The following CCSER2 variants were observed in gnomAD, a reference collection of about 807,000 sequenced individuals.
CCSER2 encodes serine-rich coiled-coil domain-containing protein 2.
CCSER2 carries 46 observed loss-of-function variants against 92.3 expected under a neutral mutation model. The observed-to-expected ratio is 0.50, with a 90% CI of 0.39 to 0.64. The LOEUF (loss-of-function observed/expected upper bound fraction) is 0.64, where lower values mean the gene tolerates loss of function less well. Among genes scored for constraint, CCSER2 ranks in the 30% least tolerant of loss-of-function variants. CCSER2 has a pLI of 0.00. For missense variants in CCSER2, 1,244 were observed against 1,238.9 expected, an observed-to-expected ratio of 1.00 and a Z score of -0.06; for synonymous variants, 433 against 431.4, an observed-to-expected ratio of 1.00 and a Z score of -0.04.
At chr10:84,496,265 G>A (rs1848443262) in intron 9 of CCSER2, among the ~76,000 whole-genome samples, 1 of 152,066 alleles carries the variant, frequency 6.6e-6, no homozygotes, top group South Asian at 2.1e-4. Flanking sequence ...AAGGGTGGAG[G>A]CCTACACTCC....
intron 3 of CCSER2, among the ~76,000 whole-genome samples, chr10:84,402,070 C>G (rs1435819566): frequency 6.6e-6 from 1 of 152,206 alleles, no homozygotes; most frequent in Non-Finnish European, 1.5e-5. Context: ...CTTTTTCTCT[C>G]TACCTGCTTG....
chr10:84,337,041 G>T (rs1589379674), intron 1 of CCSER2, among the ~76,000 whole-genome samples: 1 of 152,198 alleles, frequency 6.6e-6, no homozygotes, highest in Non-Finnish European at 1.5e-5. Context: ...AACGAGTTCA[G>T]TTTTGGACAT....
intron 3 of CCSER2, among the ~76,000 whole-genome samples, chr10:84,378,441 T>TTTG (rs1322388324): frequency 6.8e-6 from 1 of 147,824 alleles, no homozygotes; most frequent in Non-Finnish European, 1.5e-5. Flanking sequence ...AATTTTTTTT[T>TTTG]TTTTTTTTTT....
chr10:84,496,886 T>C (rs982132698), intron 9 of CCSER2, among the ~76,000 whole-genome samples: 3 of 152,180 alleles, frequency 2.0e-5, no homozygotes, highest in African/African-American at 7.2e-5. Flanking sequence ...TTGTGTTTTA[T>C]ATATAGTGCC....
chr10:84,339,114 T>C (rs144515937), intron 1 of CCSER2, among the ~76,000 whole-genome samples: 116 of 135,860 alleles, frequency 8.5e-4, no homozygotes, highest in African/African-American at 3.5e-3. Flanking sequence ...TTTTCTTTTC[T>C]TTTTTTTTTG....
intron 3 of CCSER2, among the ~76,000 whole-genome samples, chr10:84,396,611 T>C (rs574458298): frequency 1.3e-5 from 2 of 152,140 alleles, no homozygotes; most frequent in East Asian, 3.8e-4. Context: ...GATCTTCCCT[T>C]TTCTTCTTTT....
intron 9 of CCSER2, among the ~76,000 whole-genome samples, chr10:84,482,764 A>C (rs997200035): frequency 5.9e-5 from 9 of 152,270 alleles, no homozygotes; most frequent in African/African-American, 2.2e-4. Flanking sequence ...GACCCAAAGG[A>C]TCTACCTGAC....
chr10:84,433,196 C>G (rs1029739652), intron 5 of CCSER2, among the ~76,000 whole-genome samples: 6 of 152,130 alleles, frequency 3.9e-5, no homozygotes, highest in African/African-American at 1.4e-4. Context: ...TATTTTGGGT[C>G]TTTTGCCTGT....
intron 6 of CCSER2, among the ~76,000 whole-genome samples, chr10:84,442,667 C>T (rs941570386): frequency 3.3e-5 from 5 of 152,082 alleles, no homozygotes; most frequent in Non-Finnish European, 7.4e-5. Context: ...AGGTATGTGC[C>T]TTATCCAGTG....
intron 9 of CCSER2, among the ~76,000 whole-genome samples, chr10:84,507,512 T>C (rs181935056): frequency 2.6e-4 from 39 of 152,312 alleles, no homozygotes; most frequent in Admixed American, 2.5e-3. Context: ...ACAATAAACT[T>C]GTATGTACCC....
intron 1 of CCSER2, among the ~76,000 whole-genome samples, chr10:84,369,947 G>T (rs1845976996): frequency 6.6e-6 from 1 of 151,956 alleles, no homozygotes; most frequent in Non-Finnish European, 1.5e-5. Context: ...TTTGTCAAAG[G>T]TCAGTTGATT....
chr10:84,464,061 A>G, intron 7 of CCSER2, 45 bp downstream of exon 7: 1 of 923,126 alleles, frequency 1.1e-6, no homozygotes, highest in Non-Finnish European at 1.7e-6. Context: ...TTCTTTTTAA[A>G]TACTAAAATA....
intron 7 of CCSER2, among the ~76,000 whole-genome samples, chr10:84,464,830 T>C (rs1846297264): frequency 6.6e-6 from 1 of 152,158 alleles, no homozygotes; most frequent in South Asian, 2.1e-4. Flanking sequence ...GAATTCTGCT[T>C]GGATGTGGCA....
At chr10:84,480,859 G>A (rs184061098) in intron 9 of CCSER2, among the ~76,000 whole-genome samples, 4 of 152,166 alleles carry the variant, frequency 2.6e-5, no homozygotes, top group African/African-American at 7.2e-5. Flanking sequence ...AACCTACGTA[G>A]GTAGTGGTGA....
At chr10:84,485,078 T>C (rs951308715) in intron 9 of CCSER2, among the ~76,000 whole-genome samples, 3 of 152,210 alleles carry the variant, frequency 2.0e-5, no homozygotes, top group African/African-American at 7.2e-5. Flanking sequence ...AAAGTTTGCC[T>C]GTAGTGTAAT....
chr10:84,421,424 A>G (rs1417637960), intron 4 of CCSER2, among the ~76,000 whole-genome samples: 3 of 152,046 alleles, frequency 2.0e-5, no homozygotes, highest in Admixed American at 2.0e-4. Context: ...TGGAAGGGGG[A>G]GCAAACATGT....
chr10:84,366,527 A>C (rs981778328), intron 1 of CCSER2, among the ~76,000 whole-genome samples: 2 of 152,202 alleles, frequency 1.3e-5, no homozygotes, highest in Non-Finnish European at 2.9e-5. Flanking sequence ...ATTGCTGTGA[A>C]GAGAATAGAG....
chr10:84,386,963 T>C (rs1841246514), intron 3 of CCSER2, among the ~76,000 whole-genome samples: 1 of 151,830 alleles, frequency 6.6e-6, no homozygotes, highest in South Asian at 2.1e-4. Context: ...GGGATAAGAG[T>C]TGAAAAATTA....
chr10:84,439,366 A>G (rs899820969), intron 6 of CCSER2, among the ~76,000 whole-genome samples: 4 of 152,184 alleles, frequency 2.6e-5, no homozygotes, highest in African/African-American at 9.7e-5. Context: ...TAAAATACTA[A>G]TTTTAAGTCA....
Sources: gnomAD v4.1 joint callset for allele counts (sites outside exome capture counted in the v4.1 genomes callset) on GRCh38, gnomAD v4.1.1 for gene constraint, MANE v1.5 for transcripts, NCBI Gene and HGNC (gene_info 2026-07-23, HGNC 2026-07-21) for gene names.